TNPO2: variants seen among roughly 807,000 people sequenced by gnomAD.
TNPO2 encodes the protein transportin 2.
TNPO2 carries 16 observed loss-of-function variants against 111.1 expected under a neutral mutation model. That is an observed-to-expected ratio of 0.14 (90% confidence interval 0.10 to 0.22). The LOEUF (loss-of-function observed/expected upper bound fraction) is 0.22, where lower values mean the gene tolerates loss of function less well. TNPO2 is among the 10% of genes least tolerant of loss of function. The pLI, the probability that TNPO2 is intolerant of heterozygous loss-of-function variation, is 1.00. For missense variants in TNPO2, 530 were observed against 1,173.7 expected (o/e 0.45, Z 8.01); for synonymous variants, 481 against 475.8 (o/e 1.01, Z -0.14).
intron 5 of TNPO2, among the ~76,000 whole-genome samples, chr19:12,717,310 A>C (rs1011852583): frequency 3.3e-5 from 4 of 122,636 alleles, no homozygotes; most frequent in Non-Finnish European, 6.4e-5. Flanking sequence ...CTCACTCTGT[A>C]GTCCAGGCTG....
chr19:12,706,526 G>A lies in TNPO2; in HGVS notation c.1496+44C>T, dbSNP rs761339554. 1 of 1,602,210 alleles carries A rather than the reference G, an allele frequency of 6.2e-7. No homozygotes were observed. The highest frequency in any genetic ancestry group is 1.7e-5 in the Admixed American group (1 of 60,010). On this transcript the variant is annotated intron_variant, in intron 14 of 25. Coordinates refer to ENST00000425528, the MANE Select transcript of TNPO2 (RefSeq NM_001382241.1). This position sits in a 1 kb window ranked among gnomAD's most constrained non-coding sequence, Gnocchi z 7.0. ...AGGTGTCATCACTTCCCAGAGGGTG[G>A]CCGGGGGAGAGTGGGGGCTGTGGGA... is the stretch of plus-strand genomic sequence containing the variant.
intron 3 of TNPO2, among the ~76,000 whole-genome samples, chr19:12,720,266 G>A (rs143765228): frequency 0.03 from 4,570 of 151,804 alleles, 220 homozygotes; most frequent in African/African-American, 0.1. Flanking sequence ...TGATCCGTCC[G>A]CCTCGGCCTC....
Position 12,719,448 on chromosome 19 carries a change from G to A in TNPO2, c.100-112C>T. ...TGGGACCAGGCTGCCAGCTCCTGGG[G>A]GATCCCGCTCCCTAATAAGCCCACA... On this transcript the variant is annotated intron_variant, in intron 3 of 25. Transcript: ENST00000425528. This position sits in a 1 kb window ranked among gnomAD's most constrained non-coding sequence, Gnocchi z 5.0. 1.2e-6 allele frequency: 1 copy of A among 862,002 alleles called. No individual in the cohort carries two copies. The allele number at this position is 862,002 out of a possible 1,614,324, so 53.4% of individuals were successfully genotyped here. A position where few individuals can be genotyped will look rare whatever the true frequency, so the allele number is the denominator to read the frequency against.
At position 12,701,810 on chromosome 19, in the gene TNPO2, T is replaced by C. The variant is rs2025324398; in HGVS notation, c.2453A>G (p.Asp818Gly). The C allele has an allele frequency of 6.2e-7, 1 of 1,613,622 alleles. No individual in the cohort carries two copies. Among genetic ancestry groups the C allele is most frequent in the Non-Finnish European group, 8.5e-7 (1 of 1,179,858 alleles). The change falls in exon 23 of 26, where the codon GAC becomes GGC. Residue 818 changes from aspartate (D) to glycine (G), a missense_variant. Coordinates refer to ENST00000425528, the MANE Select transcript of TNPO2 (RefSeq NM_001382241.1). This position sits in a 1 kb window ranked among gnomAD's most constrained non-coding sequence, Gnocchi z 5.0. ...CATGCAGATGCCGCGGAAGGCTGAG[T>C]CCTTCTCCTCGTTGTCCCTGATGTT... ...LRNIRDNEEKDSAFRGICMMI... is the reference protein window; with the variant it reads ...LRNIRDNEEKGSAFRGICMMI...
Position 12,701,064 on chromosome 19 carries a change from T to G in TNPO2, c.*200A>C. The G allele has an allele frequency of 2.7e-6, 1 of 374,876 alleles. No homozygotes were observed. The highest frequency in any genetic ancestry group is 4.9e-6 in the Non-Finnish European group (1 of 206,000). 23.2% of individuals were successfully genotyped at this position (374,876 alleles called of 1,614,324 possible). A position where few individuals can be genotyped will look rare whatever the true frequency, so the allele number is the denominator to read the frequency against. ...CTCCCCGTTTGTAGGATGAGCATGG[T>G]GGCCCCACCCACCTGCCAGGAGGGC... On this transcript the variant is annotated 3_prime_UTR_variant, in exon 26 of 26. Coordinates refer to ENST00000425528, the MANE Select transcript of TNPO2 (RefSeq NM_001382241.1). The surrounding 1 kb of genome is among the most constrained non-coding windows in gnomAD (Gnocchi z 5.0).
chr19:12,711,176 A>G lies in TNPO2; in HGVS notation c.1117+120T>C, dbSNP rs569275112. ...TCCAAAGTGCTGGGATTACAGGCGT[A>G]AGCCACTGCGCCCGGCCACGATCAG... On this transcript the variant is annotated intron_variant, in intron 12 of 25. Transcript: ENST00000425528. The G allele has an allele frequency of 2.4e-4, 326 of 1,359,502 alleles. 1 individual carries two copies. The highest frequency in any genetic ancestry group is 9.8e-4 in the Middle Eastern group (5 of 5,114). The allele number at this position is 1,359,502 out of a possible 1,614,324, so 84.2% of individuals were successfully genotyped here.
At position 12,706,458 on chromosome 19, in the gene TNPO2, C is replaced by T. The variant is rs781733456; in HGVS notation, c.1497-91G>A. 1 of 1,579,976 alleles carries T rather than the reference C, an allele frequency of 6.3e-7. No homozygotes were observed. The highest frequency in any genetic ancestry group is 1.7e-5 in the Admixed American group (1 of 59,996). ...GTTGGGGAGGGCAACTCAGGATCAGCCAGTACGAATACGCGATAAATCAGT... is the reference window on the plus strand; with the variant it reads ...GTTGGGGAGGGCAACTCAGGATCAGTCAGTACGAATACGCGATAAATCAGT... On this transcript the variant is annotated intron_variant, in intron 14 of 25. Coordinates refer to ENST00000425528, the MANE Select transcript of TNPO2 (RefSeq NM_001382241.1). The surrounding 1 kb of genome is among the most constrained non-coding windows in gnomAD (Gnocchi z 7.0).
Position 12,721,234 on chromosome 19 carries a change from G to A in TNPO2, c.-13-244C>T. On this transcript the variant is annotated intron_variant, in intron 2 of 25. Transcript: ENST00000425528. This position sits in a 1 kb window ranked among gnomAD's most constrained non-coding sequence, Gnocchi z 4.9. Reference sequence around the variant, plus strand: ...GAAACGGGCCACAGGCGGCGGCGGCGGGGCCCGGCGGATCCTCATGGGACC... The same window carrying A: ...GAAACGGGCCACAGGCGGCGGCGGCAGGGCCCGGCGGATCCTCATGGGACC... 1 of 1,312,180 alleles carries A rather than the reference G, an allele frequency of 7.6e-7. No individual in the cohort carries two copies. The highest frequency in any genetic ancestry group is 1.6e-5 in the South Asian group (1 of 63,098). The allele number at this position is 1,312,180 out of a possible 1,614,324, so 81.3% of individuals were successfully genotyped here.
At position 12,706,903 on chromosome 19, in the gene TNPO2, G is replaced by C. The variant is rs143301687; in HGVS notation, c.1271-108C>G. On this transcript the variant is annotated intron_variant, in intron 13 of 25. Transcript: ENST00000425528. This position sits in a 1 kb window ranked among gnomAD's most constrained non-coding sequence, Gnocchi z 7.0. ...CAACATATAGGGAAACTGAGGCTTA[G>C]AGTTTAAATCACTGGCCCAGACTCA... is the stretch of plus-strand genomic sequence containing the variant. The C allele has an allele frequency of 1.0e-6, 1 of 957,856 alleles. No individual in the cohort carries two copies. The highest frequency in any genetic ancestry group is 1.6e-6 in the Non-Finnish European group (1 of 631,400). 59.3% of individuals were successfully genotyped at this position (957,856 alleles called of 1,614,324 possible). A position where few individuals can be genotyped will look rare whatever the true frequency, so the allele number is the denominator to read the frequency against.
Position 12,717,948 on chromosome 19 carries a change from C to G in TNPO2, c.325+1081G>C, listed in dbSNP as rs538171305. 1.3e-3 allele frequency among the ~76,000 whole-genome samples: 193 copies of G among 152,264 alleles called. 1 individual carries two copies. The highest frequency in any genetic ancestry group is 4.5e-3 in the African/African-American group (185 of 41,560). ...CCGCCTGCCTTGGCCTCCCAAAGTG[C>G]TAGGACTATAGGCGTGAGTTACCAC... On this transcript the variant is annotated intron_variant, in intron 5 of 25. Transcript: ENST00000425528.
rs2145579193 is a variant in TNPO2 at position 12,715,034 on chromosome 19, T to C, written c.771+13A>G. On this transcript the variant is annotated intron_variant, in intron 9 of 25. Coordinates refer to ENST00000425528, the MANE Select transcript of TNPO2 (RefSeq NM_001382241.1). The surrounding 1 kb of genome is among the most constrained non-coding windows in gnomAD (Gnocchi z 7.1). ...CCTGCCTGCCCGCCTGGGCTGGCCT[T>C]GACCATGCACACCTGGATGATGCTG... 1 of 1,531,924 alleles carries C rather than the reference T, an allele frequency of 6.5e-7. No homozygotes were observed. Among genetic ancestry groups the C allele is most frequent in the Non-Finnish European group, 8.8e-7 (1 of 1,137,460 alleles). The allele number at this position is 1,531,924 out of a possible 1,614,324, so 94.9% of individuals were successfully genotyped here.
At position 12,711,549 on chromosome 19, in the gene TNPO2, T is replaced by C; in HGVS notation, c.951+4A>G. Reference sequence around the variant, plus strand: ...CCACCCATGCTGGGTGGGCCCTGCCTGACCTTGAGCAGGATGATGTCAATT... The same window carrying C: ...CCACCCATGCTGGGTGGGCCCTGCCCGACCTTGAGCAGGATGATGTCAATT... On this transcript the variant is annotated splice_donor_region_variant and intron_variant, in intron 11 of 25. Transcript: ENST00000425528. 6.2e-7 allele frequency: 1 copy of C among 1,613,950 alleles called. No individual in the cohort carries two copies. Among genetic ancestry groups the C allele is most frequent in the South Asian group, 1.1e-5 (1 of 91,082 alleles).
At chr19:12,711,506 C>A (rs374159683) in intron 11 of TNPO2, 45 bp from the exon 12 acceptor site, 1 of 1,613,746 alleles carries the variant, frequency 6.2e-7, no homozygotes, top group East Asian at 2.2e-5. Context: ...ACCACAGCCG[C>A]GACACCCACG....
chr19:12,715,277 T>G lies in TNPO2; in HGVS notation c.614A>C (p.Gln205Pro), dbSNP rs1192637701. The change falls in exon 8 of 26, where the codon CAG becomes CCG. Residue 205 changes from glutamine (Q) to proline (P), a missense_variant. Gln to Pro is a moderately conservative substitution (Grantham distance 76). Coordinates refer to ENST00000425528, the MANE Select transcript of TNPO2 (RefSeq NM_001382241.1). This position sits in a 1 kb window ranked among gnomAD's most constrained non-coding sequence, Gnocchi z 7.1. The stretch of plus-strand genomic sequence containing the variant: ...GGTGTCAATATTGTCCATCAGCGCC[T>G]GGGCCCGGTCCATGATGAACTGGTT... Reference protein sequence around the residue: ...CVNQFIMDRAQALMDNIDTFI... With the variant: ...CVNQFIMDRAPALMDNIDTFI... 1 of 1,613,504 alleles carries G rather than the reference T, an allele frequency of 6.2e-7. No individual in the cohort carries two copies. Among genetic ancestry groups the G allele is most frequent in the Admixed American group, 1.7e-5 (1 of 59,918 alleles).
Position 12,707,346 on chromosome 19 carries a change from G to A in TNPO2, c.1271-551C>T, listed in dbSNP as rs139914031. ...ATTCAATTCATGCATTAATTCATGTGTTAATTGAATTCATGTGTTAATTCA... is the reference window on the plus strand; with the variant it reads ...ATTCAATTCATGCATTAATTCATGTATTAATTGAATTCATGTGTTAATTCA... On this transcript the variant is annotated intron_variant, in intron 13 of 25. Transcript: ENST00000425528. 2.2e-3 allele frequency among the ~76,000 whole-genome samples: 340 copies of A among 152,244 alleles called. 2 individuals carry two copies. In the South Asian group the frequency reaches 0.025, roughly 11 times the overall value.
chr19:12,722,640 C>A (rs1967078678), intron 2 of TNPO2: 1 of 151,550 alleles, frequency 6.6e-6, no homozygotes, highest in Admixed American at 6.6e-5. Context: ...CGCCGCGGCT[C>A]CCGTACTCCG....
intron 13 of TNPO2, among the ~76,000 whole-genome samples, chr19:12,708,168 T>C (rs570426930): frequency 2.8e-4 from 43 of 152,194 alleles, no homozygotes; most frequent in African/African-American, 9.6e-4. Flanking sequence ...AGTCTCGCTC[T>C]GTCCCCCAAG....
Position 12,702,470 on chromosome 19 carries a change from T to C in TNPO2, c.2306-293A>G, listed in dbSNP as rs1023830214. ...AGTGCAGTGGCATGATCTTGGCTCATTGCAACCTGCCTCAGCCTCCCGAGT... is the reference window on the plus strand; with the variant it reads ...AGTGCAGTGGCATGATCTTGGCTCACTGCAACCTGCCTCAGCCTCCCGAGT... On this transcript the variant is annotated intron_variant, in intron 21 of 25. Transcript: ENST00000425528. The surrounding 1 kb of genome is among the most constrained non-coding windows in gnomAD (Gnocchi z 5.5). The C allele has an allele frequency of 4.6e-5, 27 of 581,328 alleles. No homozygotes were observed. The highest frequency in any genetic ancestry group is 5.7e-4 in the Middle Eastern group (2 of 3,496). The allele number at this position is 581,328 out of a possible 1,614,324, so 36.0% of individuals were successfully genotyped here.
intron 13 of TNPO2, among the ~76,000 whole-genome samples, chr19:12,707,724 C>T (rs190023584): frequency 1.2e-3 from 186 of 151,842 alleles, no homozygotes; most frequent in African/African-American, 4.3e-3. Flanking sequence ...CCCGACCTCA[C>T]GTGATCCCAC....
Sources: allele counts gnomAD v4.1 joint callset (sites outside exome capture counted in the v4.1 genomes callset), GRCh38; gene constraint gnomAD v4.1.1; non-coding constraint Gnocchi (gnomAD v3.1); transcripts MANE v1.5; gene names NCBI Gene and HGNC (gene_info 2026-07-23, HGNC 2026-07-21).